Variants in RAI14 observed in about 807,000 individuals in gnomAD.
The protein encoded by RAI14 is ankycorbin.
A neutral mutation model predicts 115.4 loss-of-function variants in RAI14; 45 were observed. The observed-to-expected ratio is 0.39, with a 90% confidence interval of 0.31 to 0.50. RAI14 has a LOEUF of 0.50. RAI14 is among the 20% of genes least tolerant of loss of function. RAI14 has a pLI of 0.85. For synonymous variants in RAI14, 371 were observed against 415.4 expected (o/e 0.89, Z 1.30); for missense variants, 939 against 1,131.2 (o/e 0.83, Z 2.44).
intron 3 of RAI14, among the ~76,000 whole-genome samples, chr5:34,761,725 T>A (rs1748677054): frequency 6.6e-6 from 1 of 152,216 alleles, no homozygotes; most frequent in African/African-American, 2.4e-5. Flanking sequence ...CTGGTTCTCT[T>A]CCGCCTTTTT....
intron 2 of RAI14, among the ~76,000 whole-genome samples, chr5:34,711,996 T>C (rs1741456626): frequency 6.6e-6 from 1 of 152,156 alleles, no homozygotes; most frequent in Admixed American, 6.6e-5. Flanking sequence ...TCTTGAACCT[T>C]GGGGTGATCT....
At chr5:34,794,960 GCA>G (rs1259750809) in intron 3 of RAI14, among the ~76,000 whole-genome samples, 1 of 152,160 alleles carries the variant, frequency 6.6e-6, no homozygotes, top group African/African-American at 2.4e-5. Context: ...TATCCTGAGG[GCA>G]CATCCCTAAA....
chr5:34,787,991 A>ACTGTAGCG (rs1445281537), intron 3 of RAI14, among the ~76,000 whole-genome samples: 4 of 132,052 alleles, frequency 3.0e-5, no homozygotes, highest in African/African-American at 8.7e-5. Flanking sequence ...ATCACAGCTC[A>ACTGTAGCG]CTGTAGCGTC....
In RAI14 at chr5:34,832,222, GGAT is replaced by G. The variant is rs1338558041; in HGVS notation, c.*1461_*1463del. ...GCCTCAGTGGGTGCTTGGCTGTGCT[GGAT>G]GATATGTTGATCTGTATTGGATAAG... is the stretch of plus-strand genomic sequence containing the variant. On this transcript the variant is annotated 3_prime_UTR_variant, in exon 18 of 18. Transcript: ENST00000265109. 1 of 152,586 alleles carries G rather than the reference GGAT, an allele frequency of 6.6e-6. No individual in the cohort carries two copies. The highest frequency in any genetic ancestry group is 1.5e-5 in the Non-Finnish European group (1 of 68,048). The allele number at this position is 152,586 out of a possible 1,614,324, so 9.5% of individuals were successfully genotyped here.
chr5:34,755,945 C>T (rs979135839), intron 2 of RAI14, among the ~76,000 whole-genome samples: 10 of 152,178 alleles, frequency 6.6e-5, no homozygotes, highest in African/African-American at 1.9e-4. Context: ...GTCTGGAGTT[C>T]TGGACTTCAA....
chr5:34,704,374 TAG>T (rs1740427657), intron 2 of RAI14, among the ~76,000 whole-genome samples: 1 of 152,248 alleles, frequency 6.6e-6, no homozygotes, highest in African/African-American at 2.4e-5. Flanking sequence ...CTCCTCCAGA[TAG>T]TCAGTATCCT....
intron 2 of RAI14, among the ~76,000 whole-genome samples, chr5:34,756,510 G>C (rs1747897794): frequency 6.6e-6 from 1 of 152,168 alleles, no homozygotes; most frequent in Admixed American, 6.5e-5. Flanking sequence ...GAGACGACTG[G>C]AAGGCAGCCC....
Position 34,823,888 on chromosome 5 carries a change from G to T in RAI14, c.2046G>T (p.Glu682Asp). The part of the protein sequence containing the change: ...TAEYIHKAEH[E>D]KLMQLTNVSR... ...AATATATCCATAAAGCAGAGCATGAGAAACTGATGCAATTGACAAACGTGT... is the reference window on the plus strand; with the variant it reads ...AATATATCCATAAAGCAGAGCATGATAAACTGATGCAATTGACAAACGTGT... The change falls in exon 15 of 18, where the codon GAG becomes GAT. Residue 682 changes from glutamate to aspartate, a missense_variant. Glu to Asp is a conservative substitution (Grantham distance 45, BLOSUM62 2). Coordinates refer to ENST00000265109, the MANE Select transcript of RAI14 (RefSeq NM_015577.3). This position sits in a 1 kb window ranked among gnomAD's most constrained non-coding sequence, Gnocchi z 4.5. 6.2e-7 allele frequency: 1 copy of T among 1,614,152 alleles called. No homozygotes were observed. The highest frequency in any genetic ancestry group is 8.5e-7 in the Non-Finnish European group (1 of 1,180,022).
At chr5:34,810,548 G>A (rs1047785398) in intron 7 of RAI14, among the ~76,000 whole-genome samples, 1 of 152,142 alleles carries the variant, frequency 6.6e-6, no homozygotes, top group East Asian at 1.9e-4. Context: ...TTACTAAAGG[G>A]TACACTTTCG....
At chr5:34,826,301 C>A in intron 15 of RAI14, 29 bp from the exon 16 acceptor site, 1 of 1,602,712 alleles carries the variant, frequency 6.2e-7, no homozygotes, top group South Asian at 1.1e-5. Context: ...ATGTTACTGT[C>A]TGCTAATACC....
At chr5:34,801,688 C>A (rs1238562078) in intron 4 of RAI14, among the ~76,000 whole-genome samples, 1 of 151,976 alleles carries the variant, frequency 6.6e-6, no homozygotes, top group Non-Finnish European at 1.5e-5. Context: ...TTGCAGTGAG[C>A]CGAGATGGTG....
intron 12 of RAI14, among the ~76,000 whole-genome samples, chr5:34,818,116 A>T (rs1756461100): frequency 6.6e-6 from 1 of 152,322 alleles, no homozygotes; most frequent in African/African-American, 2.4e-5. Context: ...AAATTCTCTT[A>T]TCATTGACTG....
intron 2 of RAI14, chr5:34,687,438 C>T (rs1737981778): frequency 1.4e-6 from 1 of 690,710 alleles, no homozygotes; most frequent in East Asian, 3.6e-5. Flanking sequence ...CGTACCTTTC[C>T]TCCCCCCGAA....
chr5:34,711,476 G>A (rs1178539441), intron 2 of RAI14, among the ~76,000 whole-genome samples: 1 of 152,230 alleles, frequency 6.6e-6, no homozygotes, highest in Non-Finnish European at 1.5e-5. Context: ...AATGTCATCA[G>A]TTAAGGTTAT....
intron 1 of RAI14, among the ~76,000 whole-genome samples, chr5:34,669,292 T>C (rs2149852852): frequency 6.6e-6 from 1 of 152,356 alleles, no homozygotes; most frequent in South Asian, 2.1e-4. Context: ...TTCCTCCAGG[T>C]GATACCTATC....
chr5:34,754,831 A>G (rs1174295544), intron 2 of RAI14, among the ~76,000 whole-genome samples: 1 of 152,140 alleles, frequency 6.6e-6, no homozygotes, highest in African/African-American at 2.4e-5. Context: ...TGTGGAACGA[A>G]TTTTAGGGAA....
At chr5:34,750,847 C>CT (rs1561309335) in intron 2 of RAI14, among the ~76,000 whole-genome samples, 1 of 62,426 alleles carries the variant, frequency 1.6e-5, no homozygotes, top group Admixed American at 1.4e-4. Context: ...TTTGCTTTAT[C>CT]ATTTTTTTTT....
At chr5:34,815,104 C>T (rs62355740) in intron 12 of RAI14, among the ~76,000 whole-genome samples, 39,727 of 151,772 alleles carry the variant, frequency 0.26, 6,136 homozygotes, top group Admixed American at 0.41. Flanking sequence ...AAAACTAGGC[C>T]GGGGTTGGTG....
chr5:34,785,223 G>A (rs1752155206), intron 3 of RAI14, among the ~76,000 whole-genome samples: 1 of 152,094 alleles, frequency 6.6e-6, no homozygotes, highest in Admixed American at 6.6e-5. Context: ...AAAGGTATAG[G>A]TTCTGGAGGC....
Sources: allele counts gnomAD v4.1 joint callset (sites outside exome capture counted in the v4.1 genomes callset), GRCh38; gene constraint gnomAD v4.1.1; non-coding constraint Gnocchi (gnomAD v3.1); transcripts MANE v1.5; gene names NCBI Gene and HGNC (gene_info 2026-07-23, HGNC 2026-07-21).